Variants in DYNC2I1 observed in about 807,000 individuals in gnomAD.
DYNC2I1 encodes cytoplasmic dynein 2 intermediate chain 1.
Under a neutral mutation model 133.4 loss-of-function variants are expected in DYNC2I1, and 89 were observed. The observed-to-expected ratio is 0.67, with a 90% CI of 0.56 to 0.80. The LOEUF is 0.80. Among genes scored for constraint, DYNC2I1 ranks in the 30% least tolerant of loss-of-function variants. DYNC2I1 has a pLI of 0.00. For missense variants in DYNC2I1, 1,291 were observed against 1,314.5 expected (o/e 0.98, Z 0.28); for synonymous variants, 504 against 484.3 (o/e 1.04, Z -0.54).
chr7:158,934,736 A>C (rs1158677004), intron 23 of DYNC2I1, among the ~76,000 whole-genome samples, 187 bp downstream of exon 23: 1 of 152,096 alleles, frequency 6.6e-6, no homozygotes, highest in Non-Finnish European at 1.5e-5. Flanking sequence ...GGTGCATGCC[A>C]CTATGCCTGG....
intron 1 of DYNC2I1, among the ~76,000 whole-genome samples, chr7:158,858,015 T>A (rs971988318): frequency 6.6e-6 from 1 of 152,128 alleles, no homozygotes; most frequent in African/African-American, 2.4e-5. Flanking sequence ...GGTCTCGAAC[T>A]CCTGACCTCC....
At chr7:158,865,589 G>A (rs1842333924) in intron 1 of DYNC2I1, among the ~76,000 whole-genome samples, 1 of 152,140 alleles carries the variant, frequency 6.6e-6, no homozygotes, top group Admixed American at 6.5e-5. Context: ...ATCCACTAGT[G>A]CGTGGGCTGA....
intron 14 of DYNC2I1, among the ~76,000 whole-genome samples, chr7:158,914,790 AC>A (rs539618855): frequency 1.8e-3 from 271 of 152,114 alleles, no homozygotes; most frequent in Non-Finnish European, 2.4e-3. Flanking sequence ...GTCTCGTCTG[AC>A]CCCCCTGCCC....
rs890493044 is a variant in DYNC2I1, at chr7:158,922,196, A to G, written c.1922-181A>G. ...CAGACTCTGAGGTCAGCTTGGACAG[A>G]GTGTTGGGGCATAGGCTGTGGCCGT... is the stretch of plus-strand genomic sequence containing the variant. On this transcript the variant is annotated intron_variant, in intron 15 of 24. Transcript: ENST00000407559. Among the ~76,000 whole-genome samples the G allele has an allele frequency of 2.0e-5, 3 of 152,078 alleles. No individual in the cohort carries two copies. The South Asian group carries it at 6.2e-4, about 32-fold the overall frequency.
At position 158,868,543 on chromosome 7, in the gene DYNC2I1, C is replaced by T. The variant is rs189372623; in HGVS notation, c.16-1312C>T. 2.0e-5 allele frequency among the ~76,000 whole-genome samples: 3 copies of T among 152,370 alleles called. No individual in the cohort carries two copies. The East Asian group carries it at 5.8e-4, about 29-fold the overall frequency. On this transcript the variant is annotated intron_variant, in intron 1 of 24. Coordinates refer to ENST00000407559, the MANE Select transcript of DYNC2I1 (RefSeq NM_018051.5). Reference sequence around the variant, plus strand: ...GCCTGGAACCTTTCTTGGGTTTTATCTGCGCAGCCCCAGCTCTGCAGCAGT... The same window carrying T: ...GCCTGGAACCTTTCTTGGGTTTTATTTGCGCAGCCCCAGCTCTGCAGCAGT...
intron 11 of DYNC2I1, among the ~76,000 whole-genome samples, chr7:158,910,555 T>C (rs893257718): frequency 2.1e-5 from 3 of 142,938 alleles, no homozygotes; most frequent in Admixed American, 6.9e-5. Flanking sequence ...ATTGGCTGTG[T>C]CAGGCCTGTG....
chr7:158,898,867 G>T (rs1395439291), intron 8 of DYNC2I1, among the ~76,000 whole-genome samples: 3 of 148,622 alleles, frequency 2.0e-5, no homozygotes, highest in African/African-American at 4.9e-5. Flanking sequence ...TCAGTTAAAG[G>T]TTGTTTTTTT....
At chr7:158,940,293 G>T (rs368423748) in intron 23 of DYNC2I1, among the ~76,000 whole-genome samples, 1 of 152,004 alleles carries the variant, frequency 6.6e-6, no homozygotes, top group South Asian at 2.1e-4. Flanking sequence ...TAGATCCCTC[G>T]CATACACAGT....
the DYNC2I1 span, among the ~76,000 whole-genome samples, chr7:158,851,285 C>T: frequency 6.6e-6 from 1 of 152,074 alleles, no homozygotes; most frequent in Non-Finnish European, 1.5e-5. Context: ...GTAATCACAG[C>T]ACTTTGGGAG....
intron 9 of DYNC2I1, 81 bp downstream of exon 9, chr7:158,901,897 C>G: frequency 3.7e-6 from 4 of 1,071,226 alleles, no homozygotes; most frequent in South Asian, 1.6e-5. Flanking sequence ...AATTTGATGT[C>G]CTTTTTATTC....
At chr7:158,899,632 A>G (rs1464865496) in intron 8 of DYNC2I1, among the ~76,000 whole-genome samples, 1 of 152,166 alleles carries the variant, frequency 6.6e-6, no homozygotes, top group African/African-American at 2.4e-5. Flanking sequence ...AGGTAATTGA[A>G]TCATGGGGCC....
chr7:158,938,414 A>T (rs1311218785), intron 23 of DYNC2I1, among the ~76,000 whole-genome samples: 1 of 152,158 alleles, frequency 6.6e-6, no homozygotes, highest in Non-Finnish European at 1.5e-5. Flanking sequence ...TCTTTCCCAG[A>T]TATACAAAAG....
At chr7:158,902,915 T>G in intron 10 of DYNC2I1, 1 of 274,636 alleles carries the variant, frequency 3.6e-6, no homozygotes, top group East Asian at 7.2e-5. Flanking sequence ...GAGCTGAGGA[T>G]GCTGTGGCCC....
chr7:158,938,346 C>T (rs952528554), intron 23 of DYNC2I1, among the ~76,000 whole-genome samples: 10 of 152,112 alleles, frequency 6.6e-5, no homozygotes, highest in African/African-American at 1.9e-4. Flanking sequence ...AAGAACATTG[C>T]CATCCAAGAA....
chr7:158,920,025 G>T (rs1042291481), intron 15 of DYNC2I1, among the ~76,000 whole-genome samples: 5 of 151,140 alleles, frequency 3.3e-5, no homozygotes, highest in Admixed American at 2.0e-4. Context: ...GTGTGTGTGT[G>T]TACCACAGCG....
At chr7:158,885,802 ATT>A (rs1844540613) in intron 6 of DYNC2I1, among the ~76,000 whole-genome samples, 1 of 152,152 alleles carries the variant, frequency 6.6e-6, no homozygotes, top group Non-Finnish European at 1.5e-5. Flanking sequence ...CAATTCCTGG[ATT>A]TTATACTGCA....
the DYNC2I1 span, among the ~76,000 whole-genome samples, chr7:158,845,377 T>TA: frequency 6.6e-6 from 1 of 152,192 alleles, no homozygotes; most frequent in Non-Finnish European, 1.5e-5. Flanking sequence ...AAGTTGGCTT[T>TA]AAAATTATTG....
At chr7:158,840,095 G>A in the DYNC2I1 span, among the ~76,000 whole-genome samples, 39 of 152,128 alleles carry the variant, frequency 2.6e-4, no homozygotes, top group Non-Finnish European at 5.1e-4. Flanking sequence ...GGTTACAGGT[G>A]TGAGCCACTT....
At position 158,884,700 on chromosome 7, in the gene DYNC2I1, G is replaced by T. The variant is rs538240327; in HGVS notation, c.935+81G>T. On this transcript the variant is annotated intron_variant, in intron 6 of 24. Transcript: ENST00000407559. ...TTCAGGGAATTTTCTTATTGGCTCCGATGACGGCCAGTCCATGGCAATCAG... is the reference window on the plus strand; with the variant it reads ...TTCAGGGAATTTTCTTATTGGCTCCTATGACGGCCAGTCCATGGCAATCAG... 3.7e-4 allele frequency: 538 copies of T among 1,448,402 alleles called. 6 individuals carry two copies. In the South Asian group the frequency reaches 6.0e-3, roughly 16 times the overall value. 89.7% of individuals were successfully genotyped at this position (1,448,402 alleles called of 1,614,324 possible). A position where few individuals can be genotyped will look rare whatever the true frequency, so the allele number is the denominator to read the frequency against.
Sources: allele counts gnomAD v4.1 joint callset (sites outside exome capture counted in the v4.1 genomes callset), GRCh38; gene constraint gnomAD v4.1.1; transcripts MANE v1.5; gene names NCBI Gene and HGNC (gene_info 2026-07-23, HGNC 2026-07-21).